Variants in HAP1 observed in about 807,000 individuals in gnomAD.
HAP1 encodes the protein huntingtin-associated protein 1.
In HAP1, 59 loss-of-function variants were observed where a neutral mutation model predicts 60.3. The observed-to-expected ratio is 0.98, with a 90% CI of 0.79 to 1.22. The LOEUF is 1.22. Ranked by LOEUF, HAP1 falls within the 50% of genes most tolerant of loss-of-function variation. The pLI is 0.00. For missense variants in HAP1, 825 were observed against 785.3 expected (o/e 1.05, Z -0.60); for synonymous variants, 346 against 330.6 (o/e 1.05, Z -0.50).
chr17:41,734,565 T>C lies in HAP1; in HGVS notation c.70A>G (p.Thr24Ala), dbSNP rs1597753241. The change falls in exon 1 of 11, where the codon ACC becomes GCC. Residue 24 changes from threonine to alanine, a missense_variant. Coordinates refer to ENST00000347901, the MANE Select transcript of HAP1 (RefSeq NM_177977.3). ...RLGPGDPAAL[T>A]CAPSPSASPA... ...CTGGCTGAGGGCGAAGGTGCACAGG[T>C]GAGTGCTGCTGGGTCCCCGGGTCCG... 6.2e-7 allele frequency: 1 copy of C among 1,601,082 alleles called. No homozygotes were observed. Among genetic ancestry groups the C allele is most frequent in the Non-Finnish European group, 8.5e-7 (1 of 1,174,724 alleles).
chr17:41,726,858 A>G lies in HAP1; in HGVS notation c.1367+195T>C, dbSNP rs1911674452. Among the ~76,000 whole-genome samples, 6 of 150,708 alleles carry G rather than the reference A, an allele frequency of 4.0e-5. No homozygotes were observed. In the South Asian group the frequency reaches 1.2e-3, roughly 31 times the overall value. ...AGCTTGGGTGACAGAGCAAGACTCC[A>G]TCTCAAAAAAAAAAAAAATACCTCA... On this transcript the variant is annotated intron_variant, in intron 9 of 10. Transcript: ENST00000347901.
In HAP1 at chr17:41,732,402, G is replaced by T. The variant is rs375579056; in HGVS notation, c.550-8C>A. On this transcript the variant is annotated splice_region_variant and splice_polypyrimidine_tract_variant and intron_variant, in intron 2 of 10. Coordinates refer to ENST00000347901, the MANE Select transcript of HAP1 (RefSeq NM_177977.3). ...CCAGACAGGTGGGAGAAGCTGGGGGGGACACAGGGGTCAGAGAGAGGCTAG... is the reference window on the plus strand; with the variant it reads ...CCAGACAGGTGGGAGAAGCTGGGGGTGACACAGGGGTCAGAGAGAGGCTAG... The T allele has an allele frequency of 1.1e-5, 17 of 1,613,546 alleles. No individual in the cohort carries two copies. The African/African-American group carries it at 2.3e-4, about 22-fold the overall frequency.
At chr17:41,721,098 C>A (rs1227246966), downstream of HAP1, 11 of 152,198 alleles carry the variant, frequency 7.2e-5, no homozygotes, top group Non-Finnish European at 1.6e-4. Flanking sequence ...CTCACCCAGG[C>A]TACTCTGAGA....
chr17:41,727,856 G>C lies in HAP1; in HGVS notation c.1201-20C>G. 6.6e-7 allele frequency: 1 copy of C among 1,506,664 alleles called. No individual in the cohort carries two copies. Among genetic ancestry groups the C allele is most frequent in the Admixed American group, 1.7e-5 (1 of 59,800 alleles). The allele number at this position is 1,506,664 out of a possible 1,614,324, so 93.3% of individuals were successfully genotyped here. A position where few individuals can be genotyped will look rare whatever the true frequency, so the allele number is the denominator to read the frequency against. ...CCCATACTGGAAGGACCCAAAACCA[G>C]TGAACCCCCATCTGAGGCCTACCCA... On this transcript the variant is annotated intron_variant, in intron 7 of 10. Coordinates refer to ENST00000347901, the MANE Select transcript of HAP1 (RefSeq NM_177977.3).
chr17:41,725,943 A>G lies in HAP1; in HGVS notation c.1368-46T>C, dbSNP rs1911594855. 7.8e-6 allele frequency: 11 copies of G among 1,416,750 alleles called. No homozygotes were observed. In the African/African-American group the frequency reaches 9.8e-5, roughly 13 times the overall value. 87.8% of individuals were successfully genotyped at this position (1,416,750 alleles called of 1,614,324 possible). The stretch of plus-strand genomic sequence containing the variant: ...TCATTATGAGACAATGGAAGCCGAA[A>G]CTGCAGTCCCTGGGGCTTGGTCAAG... On this transcript the variant is annotated intron_variant, in intron 9 of 10. Transcript: ENST00000347901.
At position 41,724,710 on chromosome 17, in the gene HAP1, C is replaced by G. The variant is rs200814203; in HGVS notation, c.1851G>C (p.Ser617=). 16 of 1,589,086 alleles carry G rather than the reference C, an allele frequency of 1.0e-5. No individual in the cohort carries two copies. The highest frequency in any genetic ancestry group is 4.5e-5 in the East Asian group (2 of 44,344). ...TATCCACCCTCTCTTTTCATCGGCACGACGATCTGCAGCTTGTCCGGCTGG... is the reference window on the plus strand; with the variant it reads ...TATCCACCCTCTCTTTTCATCGGCAGGACGATCTGCAGCTTGTCCGGCTGG... ...PAASRTSCRS[S]CR Residue 617 remains serine (S), a synonymous_variant, in exon 11 of 11, where the codon TCG becomes TCC. Transcript: ENST00000347901.
At chr17:41,729,866 G>A (rs1251159873) in intron 6 of HAP1, among the ~76,000 whole-genome samples, 9 of 66,434 alleles carry the variant, frequency 1.4e-4, no homozygotes, top group Admixed American at 6.2e-4. Context: ...GTGAGACTCC[G>A]TCAAAAAAAA....
chr17:41,727,860 A>AC, intron 7 of HAP1, 24 bp from the exon 8 acceptor site: 1 of 1,471,796 alleles, frequency 6.8e-7, no homozygotes, highest in Non-Finnish European at 9.5e-7. Context: ...AAACCAGTGA[A>AC]CCCCCATCTG....
intron 10 of HAP1, 128 bp downstream of exon 10, chr17:41,725,731 T>C: frequency 1.3e-6 from 1 of 769,462 alleles, no homozygotes; most frequent in Non-Finnish European, 2.3e-6. Context: ...CCAGAACAGT[T>C]CTCAGTTCAG....
chr17:41,729,381 C>T (rs1555589926), intron 6 of HAP1, among the ~76,000 whole-genome samples: 2 of 147,752 alleles, frequency 1.4e-5, no homozygotes, highest in Non-Finnish European at 3.0e-5. Flanking sequence ...GAAACCCCAT[C>T]TCTACTAAAA....
In HAP1 at chr17:41,724,799, T is replaced by C; in HGVS notation, c.1762A>G (p.Arg588Gly). The C allele has an allele frequency of 6.2e-7, 1 of 1,612,344 alleles. No homozygotes were observed. Among genetic ancestry groups the C allele is most frequent in the East Asian group, 2.2e-5 (1 of 44,848 alleles). ...QLANWQDAHY[R>G]RQLRWKMLQK... ...AGCATCTTCCACCTCAGCTGCCGCCTGTAATGGGCATCTTGCCAGTTGGCC... is the reference window on the plus strand; with the variant it reads ...AGCATCTTCCACCTCAGCTGCCGCCCGTAATGGGCATCTTGCCAGTTGGCC... The change falls in exon 11 of 11, where the codon AGG (arginine) becomes GGG (glycine). Residue 588 changes from arginine (R) to glycine (G), a missense_variant. By Grantham distance (125) the Arg-to-Gly change is moderately radical (BLOSUM62 -2). Transcript: ENST00000347901.
intron 6 of HAP1, among the ~76,000 whole-genome samples, chr17:41,730,704 G>A (rs1371163625): frequency 2.0e-5 from 3 of 152,102 alleles, no homozygotes; most frequent in African/African-American, 7.2e-5. Context: ...CTTTGCGTTT[G>A]CATCTCACCA....
downstream of HAP1, among the ~76,000 whole-genome samples, chr17:41,718,503 G>C (rs539774562): frequency 1.3e-4 from 20 of 152,166 alleles, no homozygotes; most frequent in Admixed American, 6.5e-4. Flanking sequence ...AAGGGCTGGG[G>C]TTCCTACCGC....
rs1555591328 is a variant in HAP1, at chr17:41,732,317, G to A, written c.627C>T (p.Arg209=). The A allele has an allele frequency of 6.2e-7, 1 of 1,614,092 alleles. No individual in the cohort carries two copies. The highest frequency in any genetic ancestry group is 8.5e-7 in the Non-Finnish European group (1 of 1,179,952). The change falls in exon 3 of 11, where the codon CGC becomes CGT. Residue 209 remains arginine, a synonymous_variant. Coordinates refer to ENST00000347901, the MANE Select transcript of HAP1 (RefSeq NM_177977.3). ...QRERDLNTAA[R]IGQSLVKQNS... Reference sequence around the variant, plus strand: ...TCTGTTTCACCAGGGACTGGCCGATGCGAGCTGCAGTGTTCAGGTCCCTCT... The same window carrying A: ...TCTGTTTCACCAGGGACTGGCCGATACGAGCTGCAGTGTTCAGGTCCCTCT...
chr17:41,725,720 C>T, intron 10 of HAP1, 139 bp downstream of exon 10: 1 of 733,776 alleles, frequency 1.4e-6, no homozygotes, highest in Non-Finnish European at 2.4e-6. Context: ...GCAGCTCCTT[C>T]CCAGAACAGT....
chr17:41,732,848 A>G, intron 1 of HAP1, 50 bp from the exon 2 acceptor site: 3 of 1,021,468 alleles, frequency 2.9e-6, no homozygotes, highest in Non-Finnish European at 3.1e-6. Context: ...GTCAGGAAAA[A>G]GGAGCAGATG....
At position 41,732,727 on chromosome 17, in the gene HAP1, G is replaced by A. The variant is rs141892332; in HGVS notation, c.541C>T (p.Leu181=). The A allele has an allele frequency of 5.0e-4, 802 of 1,610,786 alleles. No individual in the cohort carries two copies. The highest frequency in any genetic ancestry group is 6.3e-4 in the Non-Finnish European group (745 of 1,176,942). ...QEDVKVMLYL[L]EELLPPVWES... is the part of the protein sequence containing the mutation. ...AGGAAGGCAGTACACACCTCCTCCA[G>A]CAAATATAACATCACTTTGACGTCT... The change falls in exon 2 of 11, where the codon CTG becomes TTG. Residue 181 remains leucine, a synonymous_variant. Coordinates refer to ENST00000347901, the MANE Select transcript of HAP1 (RefSeq NM_177977.3).
At chr17:41,728,023 C>T (rs559221499) in intron 7 of HAP1, among the ~76,000 whole-genome samples, 178 bp downstream of exon 7, 1 of 150,168 alleles carries the variant, frequency 6.7e-6, no homozygotes, top group African/African-American at 2.5e-5. Flanking sequence ...ACTCCAGGAC[C>T]CTCTCTGGGC....
chr17:41,728,246 A>G lies in HAP1; in HGVS notation c.1155T>C (p.Ala385=). Residue 385 remains alanine, a synonymous_variant, in exon 7 of 11, where the codon GCT becomes GCC. Coordinates refer to ENST00000347901, the MANE Select transcript of HAP1 (RefSeq NM_177977.3). ...GCTTCAGCACCTGGGCCTGCAGCCG[A>G]GCGACCTCCTGCTGCTGCCGTTCAT... is the stretch of plus-strand genomic sequence containing the variant. ...ENYERQQQEV[A]RLQAQVLKLQ... is the part of the protein sequence containing the mutation. The G allele has an allele frequency of 6.2e-7, 1 of 1,613,332 alleles. No individual in the cohort carries two copies. Among genetic ancestry groups the G allele is most frequent in the Non-Finnish European group, 8.5e-7 (1 of 1,179,984 alleles).
Sources: gnomAD v4.1 joint callset for allele counts (sites outside exome capture counted in the v4.1 genomes callset) on GRCh38, gnomAD v4.1.1 for gene constraint, MANE v1.5 for transcripts, NCBI Gene and HGNC (gene_info 2026-07-23, HGNC 2026-07-21) for gene names.